CSMD3: variants seen among roughly 807,000 people sequenced by gnomAD.
CSMD3 encodes CUB and Sushi multiple domains 3.
In CSMD3, 177 loss-of-function variants were observed where a neutral mutation model predicts 435.2. The observed-to-expected ratio is 0.41, with a 90% CI of 0.36 to 0.46. CSMD3 has a LOEUF of 0.46. Ranked by LOEUF, CSMD3 falls within the 20% of genes least tolerant of loss-of-function variation. The pLI is 0.34. For synonymous variants in CSMD3, 1,656 were observed against 1,520.5 expected, an observed-to-expected ratio of 1.09 and a Z score of -2.07; for missense variants, 4,265 against 4,504.6, an observed-to-expected ratio of 0.95 and a Z score of 1.52.
At chr8:112,545,115 G>A (rs936610355) in intron 27 of CSMD3, among the ~76,000 whole-genome samples, 2 of 151,950 alleles carry the variant, frequency 1.3e-5, no homozygotes, top group Non-Finnish European at 2.9e-5. Context: ...GCAGTCTTAC[G>A]TATCATTCAA....
intron 12 of CSMD3, among the ~76,000 whole-genome samples, chr8:112,822,595 C>A (rs1007791400): frequency 2.0e-5 from 3 of 152,098 alleles, no homozygotes; most frequent in African/African-American, 7.2e-5. Flanking sequence ...ATGTCATCTG[C>A]AGAGACAATT....
In CSMD3 at chr8:113,043,127, C is replaced by T. The variant is rs1445574658; in HGVS notation, c.918-23948G>A. Among the ~76,000 whole-genome samples, 5 of 152,158 alleles carry T rather than the reference C, an allele frequency of 3.3e-5. No homozygotes were observed. The South Asian group carries it at 8.3e-4, about 25-fold the overall frequency. On this transcript the variant is annotated intron_variant, in intron 5 of 70. Coordinates refer to ENST00000297405, the MANE Select transcript of CSMD3 (RefSeq NM_198123.2). The stretch of plus-strand genomic sequence containing the variant: ...TTCTAAAACTTGTTAAGTTGTCACA[C>T]GAATCTTAAAATCAGTGGTACTCAA...
rs981744893 is a variant in CSMD3 at position 112,576,636 on chromosome 8, C to T, written c.3886-2979G>A. On this transcript the variant is annotated intron_variant, in intron 23 of 70. Transcript: ENST00000297405. ...CCTCAACATCCCCCAGTTCAGGTGACCCTCCCATCTCAGACTCCCAAGTAG... is the reference window on the plus strand; with the variant it reads ...CCTCAACATCCCCCAGTTCAGGTGATCCTCCCATCTCAGACTCCCAAGTAG... 7.9e-5 allele frequency among the ~76,000 whole-genome samples: 12 copies of T among 151,654 alleles called. 1 individual carries two copies. The highest frequency in any genetic ancestry group is 7.9e-4 in the Admixed American group (12 of 15,194).
At chr8:112,987,364 C>T (rs1247245288) in intron 6 of CSMD3, among the ~76,000 whole-genome samples, 1 of 152,142 alleles carries the variant, frequency 6.6e-6, no homozygotes, top group African/African-American at 2.4e-5. Context: ...ATGATTAAGA[C>T]ACTATAAACG....
chr8:112,281,923 C>T (rs566990365), intron 58 of CSMD3, among the ~76,000 whole-genome samples: 1 of 151,920 alleles, frequency 6.6e-6, no homozygotes, highest in Non-Finnish European at 1.5e-5. Context: ...TATTAGTAAT[C>T]GTTTTCATTA....
chr8:113,273,621 C>T (rs554147126), intron 3 of CSMD3, among the ~76,000 whole-genome samples: 1 of 152,176 alleles, frequency 6.6e-6, no homozygotes, highest in Admixed American at 6.6e-5. Flanking sequence ...TGGTACTATC[C>T]ACAATTTCAG....
At chr8:112,490,429 T>C (rs1208303246) in intron 31 of CSMD3, among the ~76,000 whole-genome samples, 2 of 152,152 alleles carry the variant, frequency 1.3e-5, no homozygotes, top group Non-Finnish European at 2.9e-5. Context: ...AAAAATATTA[T>C]GGCACATTTC....
In CSMD3 at chr8:112,472,598, C is replaced by T. The variant is rs1220804566; in HGVS notation, c.5388G>A (p.Lys1796=). ...GAGTCGAATCTTACTTACCAAACTC[C>T]TTTGGAACTGCTATAGAATAAACAC... The part of the protein sequence containing the change: ...HNCVYSIAVP[K]EFVVFGQFVF... Residue 1796 remains lysine (K), a synonymous_variant, in exon 32 of 71, where the codon AAG becomes AAA. Transcript: ENST00000297405. 10 of 1,547,194 alleles carry T rather than the reference C, an allele frequency of 6.5e-6. No homozygotes were observed. Among genetic ancestry groups the T allele is most frequent in the Admixed American group, 1.7e-5 (1 of 59,918 alleles).
Position 112,552,865 on chromosome 8 carries a change from T to C in CSMD3, c.4235-145A>G, listed in dbSNP as rs138623539. ...TTTGTATAAACTTTTAAAGTATCAA[T>C]TGAAGCAAGAATATATAATACAATC... On this transcript the variant is annotated intron_variant, in intron 25 of 70. Coordinates refer to ENST00000297405, the MANE Select transcript of CSMD3 (RefSeq NM_198123.2). 8.4e-4 allele frequency: 579 copies of C among 687,828 alleles called. 3 individuals are homozygous for C. The African/African-American group carries it at 9.0e-3, about 11-fold the overall frequency. The allele number at this position is 687,828 out of a possible 1,614,324, so 42.6% of individuals were successfully genotyped here. A position where few individuals can be genotyped will look rare whatever the true frequency, so the allele number is the denominator to read the frequency against.
chr8:112,584,476 T>G (rs1175870371), intron 23 of CSMD3, among the ~76,000 whole-genome samples: 3 of 151,530 alleles, frequency 2.0e-5, no homozygotes, highest in Non-Finnish European at 4.4e-5. Flanking sequence ...AGCAAGTGAG[T>G]GCCATCCTGG....
At chr8:112,749,481 A>G (rs1381313686) in intron 13 of CSMD3, among the ~76,000 whole-genome samples, 2 of 152,136 alleles carry the variant, frequency 1.3e-5, no homozygotes, top group Non-Finnish European at 2.9e-5. Flanking sequence ...CAGAATAGCC[A>G]TATGCAGAAG....
intron 13 of CSMD3, 131 bp from the exon 14 acceptor site, chr8:112,690,181 CT>C (rs201248925): frequency 0.095 from 44,867 of 470,324 alleles, 251 homozygotes; most frequent in East Asian, 0.15. Flanking sequence ...ATTCTCCAAT[CT>C]TTTTTTTTTT....
chr8:113,173,335 T>G (rs1172798104), intron 4 of CSMD3, among the ~76,000 whole-genome samples: 2 of 152,246 alleles, frequency 1.3e-5, no homozygotes, highest in South Asian at 2.1e-4. Context: ...TTTGTTTTGT[T>G]TTTTGAGACA....
At chr8:112,370,049 AAGAAGAAGAAGAAG>A (rs1828212486) in intron 38 of CSMD3, among the ~76,000 whole-genome samples, 1 of 148,584 alleles carries the variant, frequency 6.7e-6, no homozygotes, top group East Asian at 2.0e-4. Context: ...GAAGAAGAAG[AAGAAGAAGAAGAAG>A]AAGAAGAAGA....
intron 38 of CSMD3, among the ~76,000 whole-genome samples, chr8:112,371,655 C>G (rs148108306): frequency 6.6e-6 from 1 of 152,076 alleles, no homozygotes; most frequent in East Asian, 1.9e-4. Flanking sequence ...TTTGGGAGGC[C>G]GAGGCGGGCG....
At chr8:113,302,294 A>ATATATTATATATATTATAT (rs1423825506) in intron 2 of CSMD3, among the ~76,000 whole-genome samples, 2 of 14,640 alleles carry the variant, frequency 1.4e-4, no homozygotes, top group Non-Finnish European at 1.9e-4. Flanking sequence ...TATATAATAT[A>ATATATTATATATATTATAT]ATATAATATA....
intron 4 of CSMD3, among the ~76,000 whole-genome samples, chr8:113,153,125 GAGAA>G (rs2091857689): frequency 1.7e-5 from 1 of 59,548 alleles, no homozygotes; most frequent in Non-Finnish European, 3.0e-5. Context: ...AAGAAAGAAA[GAGAA>G]AGAAGGAAGG....
intron 12 of CSMD3, among the ~76,000 whole-genome samples, chr8:112,807,701 A>G (rs1376063758): frequency 6.6e-6 from 1 of 152,192 alleles, no homozygotes; most frequent in African/African-American, 2.4e-5. Context: ...TAGAGCTCAC[A>G]TAGAGCAGAA....
chr8:113,302,219 T>C (rs1451594543), intron 2 of CSMD3, among the ~76,000 whole-genome samples: 3 of 72,786 alleles, frequency 4.1e-5, no homozygotes, highest in Non-Finnish European at 9.5e-5. Context: ...CACCTGTATA[T>C]ATAATATAAT....
Sources: allele counts gnomAD v4.1 joint callset (sites outside exome capture counted in the v4.1 genomes callset), GRCh38; gene constraint gnomAD v4.1.1; transcripts MANE v1.5; gene names NCBI Gene and HGNC (gene_info 2026-07-23, HGNC 2026-07-21).